The following ADAMTS9 variants were observed in gnomAD, a reference collection of about 807,000 sequenced individuals.
ADAMTS9 encodes ADAM metallopeptidase with thrombospondin type 1 motif 9.
A neutral mutation model predicts 257.1 loss-of-function variants in ADAMTS9; 107 were observed. That is an observed-to-expected ratio of 0.42 (90% CI 0.36 to 0.49). ADAMTS9 has a LOEUF of 0.49. Among genes scored for constraint, ADAMTS9 ranks in the 20% least tolerant of loss-of-function variants. The probability of loss-of-function intolerance (pLI) is 0.03; values close to 1 mark genes in which losing one functional copy is unlikely to be tolerated. For synonymous variants in ADAMTS9, 982 were observed against 880.9 expected (o/e 1.11, Z -2.03); for missense variants, 2,353 against 2,469.1 (o/e 0.95, Z 1.00).
intron 3 of ADAMTS9, among the ~76,000 whole-genome samples, chr3:64,678,503 A>AGTTTT (rs777829363): frequency 1.2e-4 from 19 of 152,264 alleles, no homozygotes; most frequent in Non-Finnish European, 2.2e-4. Context: ...GAGAGGGGTT[A>AGTTTT]GTTTTGTTTT....
At chr3:64,553,458 G>A (rs1280057841) in intron 30 of ADAMTS9, among the ~76,000 whole-genome samples, 1 of 152,110 alleles carries the variant, frequency 6.6e-6, no homozygotes, top group Non-Finnish European at 1.5e-5. Flanking sequence ...TCAGTTGATG[G>A]ACATATGGGT....
At chr3:64,613,744 C>T (rs950434489) in intron 21 of ADAMTS9, among the ~76,000 whole-genome samples, 2 of 152,114 alleles carry the variant, frequency 1.3e-5, no homozygotes, top group Non-Finnish European at 2.9e-5. Flanking sequence ...CTAAACACAG[C>T]TCCATGCTAT....
At chr3:64,535,586 C>T (rs2083039818) in intron 37 of ADAMTS9, among the ~76,000 whole-genome samples, 1 of 134,634 alleles carries the variant, frequency 7.4e-6, no homozygotes, top group Non-Finnish European at 1.5e-5. Context: ...CAAGGTCTCA[C>T]TCTGTCACCT....
chr3:64,517,439 T>TTTTTTTA (rs3070295), intron 39 of ADAMTS9, among the ~76,000 whole-genome samples: 1 of 137,056 alleles, frequency 7.3e-6, no homozygotes, highest in Admixed American at 7.4e-5. Context: ...TTTTTTTTTT[T>TTTTTTTA]GCAGAAATGG....
intron 28 of ADAMTS9, chr3:64,568,744 C>G (rs2083603980): frequency 1.9e-6 from 1 of 522,606 alleles, no homozygotes; most frequent in East Asian, 3.8e-5. Context: ...CAGCAGCAAT[C>G]CTGTGTGGCA....
At chr3:64,659,701 C>A (rs73832369) in intron 3 of ADAMTS9, among the ~76,000 whole-genome samples, 5,162 of 152,134 alleles carry the variant, frequency 0.034, 287 homozygotes, top group African/African-American at 0.12. Context: ...TACTCCAGGG[C>A]TCAGTTAAGG....
At chr3:64,529,693 T>C (rs895754960) in intron 38 of ADAMTS9, among the ~76,000 whole-genome samples, 4 of 152,358 alleles carry the variant, frequency 2.6e-5, no homozygotes, top group African/African-American at 9.6e-5. Flanking sequence ...AAGAAGTTTT[T>C]GTGCTTGGCT....
intron 22 of ADAMTS9, among the ~76,000 whole-genome samples, chr3:64,607,472 G>A (rs1228303441): frequency 2.0e-5 from 3 of 152,086 alleles, no homozygotes; most frequent in Non-Finnish European, 4.4e-5. Context: ...AGAAATAACT[G>A]GAGTTTGCAT....
intron 14 of ADAMTS9, 99 bp downstream of exon 14, chr3:64,633,373 A>T (rs934672842): frequency 1.3e-6 from 2 of 1,518,146 alleles, no homozygotes; most frequent in South Asian, 1.2e-5. Context: ...CCCTGGCAAC[A>T]GTGCACAGAT....
intron 3 of ADAMTS9, among the ~76,000 whole-genome samples, chr3:64,663,448 C>A (rs1232547719): frequency 5.1e-5 from 7 of 136,734 alleles, no homozygotes; most frequent in Admixed American, 7.3e-5. Flanking sequence ...TTTTTTTTGA[C>A]CACTAAGGGG....
chr3:64,519,990 G>C (rs2082829242), intron 39 of ADAMTS9, among the ~76,000 whole-genome samples: 2 of 152,132 alleles, frequency 1.3e-5, no homozygotes, highest in African/African-American at 4.8e-5. Flanking sequence ...AAGAGGAAAA[G>C]AGGAAGTCAA....
chr3:64,606,296 C>T (rs1576109762), intron 23 of ADAMTS9, among the ~76,000 whole-genome samples: 1 of 152,112 alleles, frequency 6.6e-6, no homozygotes, highest in Non-Finnish European at 1.5e-5. Flanking sequence ...ATAAATTAAG[C>T]CCTGAATTGT....
chr3:64,615,353 A>C lies in ADAMTS9; in HGVS notation c.3157T>G (p.Cys1053Gly). The C allele has an allele frequency of 6.2e-7, 1 of 1,614,024 alleles. No homozygotes were observed. The highest frequency in any genetic ancestry group is 8.5e-7 in the Non-Finnish European group (1 of 1,179,922). The change falls in exon 21 of 40, where the codon TGT becomes GGT. Residue 1053 changes from cysteine to glycine, a missense_variant. Physicochemically the swap from Cys to Gly is radical, Grantham distance 159. Transcript: ENST00000498707. The part of the protein sequence containing the change: ...VTIQRCSEFP[C>G]PQWKSGDWSE... The stretch of plus-strand genomic sequence containing the variant: ...CAGTCTCCAGATTTCCACTGTGGAC[A>C]AGGGAACTCACTGCACCTCTGAATG...
chr3:64,627,509 A>G (rs909798590), intron 16 of ADAMTS9, among the ~76,000 whole-genome samples: 1 of 152,158 alleles, frequency 6.6e-6, no homozygotes. Flanking sequence ...TTTTTCTTCT[A>G]AAGAGATACG....
At chr3:64,683,359 T>TG (rs1701806816) in intron 2 of ADAMTS9, among the ~76,000 whole-genome samples, 2 of 152,192 alleles carry the variant, frequency 1.3e-5, no homozygotes, top group Non-Finnish European at 2.9e-5. Context: ...TTTAGTCTCG[T>TG]GCCTTTTTAT....
At chr3:64,587,335 A>C (rs2084176041) in intron 28 of ADAMTS9, 1 of 152,130 alleles carries the variant, frequency 6.6e-6, no homozygotes, top group Non-Finnish European at 1.5e-5. Context: ...TCCCCAATTT[A>C]TTTTTATAAA....
chr3:64,529,982 ATTTTTTTTTT>A (rs200385291), intron 38 of ADAMTS9, among the ~76,000 whole-genome samples: 23 of 106,502 alleles, frequency 2.2e-4, no homozygotes, highest in African/African-American at 8.3e-4. Flanking sequence ...CAGTTATTTA[ATTTTTTTTTT>A]TTTTTTTTTT....
intron 28 of ADAMTS9, 59 bp downstream of exon 28, chr3:64,594,199 C>T: frequency 1.3e-6 from 2 of 1,540,270 alleles, no homozygotes; most frequent in Non-Finnish European, 1.8e-6. Context: ...AGAGGAGTGC[C>T]CCAGAATACC....
chr3:64,594,221 T>C (rs772121860), intron 28 of ADAMTS9, 37 bp downstream of exon 28: 9 of 1,584,174 alleles, frequency 5.7e-6, no homozygotes, highest in African/African-American at 2.7e-5. Flanking sequence ...TGGAATTAGA[T>C]AGTTTGGTTA....
Sources: gnomAD v4.1 joint callset for allele counts (sites outside exome capture counted in the v4.1 genomes callset) on GRCh38, gnomAD v4.1.1 for gene constraint, MANE v1.5 for transcripts, NCBI Gene and HGNC (gene_info 2026-07-23, HGNC 2026-07-21) for gene names.